Variants in MEIOB observed in about 807,000 individuals in gnomAD.
The protein encoded by MEIOB is meiosis specific with OB-fold, also known as meiosis-specific with OB domain-containing protein.
Under a neutral mutation model 53.1 loss-of-function variants are expected in MEIOB, and 50 were observed. The ratio of observed to expected loss-of-function variants is 0.94; its 90% CI spans 0.75 to 1.19. The LOEUF (loss-of-function observed/expected upper bound fraction) is 1.19. Ranked by LOEUF, MEIOB falls within the 50% of genes most tolerant of loss-of-function variation. The pLI, the probability that MEIOB is intolerant of heterozygous loss-of-function variation, is 0.00. For synonymous variants in MEIOB, 192 were observed against 182.5 expected (o/e 1.05, Z -0.42); for missense variants, 551 against 550.8 (o/e 1.00, Z 0.00).
intron 10 of MEIOB, among the ~76,000 whole-genome samples, chr16:1,844,538 T>G (rs1370268137): frequency 6.6e-6 from 1 of 152,096 alleles, no homozygotes. Context: ...CTCAGCTCAC[T>G]GCAACCTCCA....
rs1039525023 is a variant in MEIOB at position 1,837,656 on chromosome 16, C to T, written c.1305+128G>A. 64 of 513,692 alleles carry T rather than the reference C, an allele frequency of 1.2e-4. 2 individuals carry two copies. In the Admixed American group the frequency reaches 1.9e-3, roughly 15 times the overall value. The allele number at this position is 513,692 out of a possible 1,614,324, so 31.8% of individuals were successfully genotyped here. ...TCCTTTGCTTTTAGGATAGCTGAAT[C>T]CTTATGCACATCTGGGAACTGGGCA... On this transcript the variant is annotated intron_variant, in intron 13 of 13. Transcript: ENST00000325962.
intron 10 of MEIOB, among the ~76,000 whole-genome samples, chr16:1,844,122 C>CTTTT (rs755682782): frequency 7.7e-6 from 1 of 129,434 alleles, no homozygotes; most frequent in Non-Finnish European, 1.6e-5. Context: ...TATTATGTTT[C>CTTTT]TTTTTTTTTT....
chr16:1,855,112 G>A (rs1248182593), intron 6 of MEIOB, among the ~76,000 whole-genome samples: 3 of 152,216 alleles, frequency 2.0e-5, no homozygotes, highest in Admixed American at 2.0e-4. Flanking sequence ...CAGTGGGGGT[G>A]AGAGGAAGAA....
chr16:1,865,654 G>A, intron 3 of MEIOB, 124 bp downstream of exon 3: 2 of 670,658 alleles, frequency 3.0e-6, no homozygotes, highest in East Asian at 2.8e-5. Flanking sequence ...ATCCAATAGA[G>A]AGCATGACCA....
intron 11 of MEIOB, among the ~76,000 whole-genome samples, chr16:1,840,691 G>C (rs28688243): frequency 0.086 from 13,060 of 152,042 alleles, 700 homozygotes; most frequent in South Asian, 0.21. Flanking sequence ...TGGGACTACA[G>C]GCGCCCACCA....
intron 9 of MEIOB, among the ~76,000 whole-genome samples, chr16:1,847,944 TTTATTA>T (rs555104044): frequency 1.3e-5 from 2 of 151,966 alleles, no homozygotes; most frequent in South Asian, 2.1e-4. Flanking sequence ...ATGGCTTTAT[TTTATTA>T]TTATTATTAT....
chr16:1,862,748 T>C (rs1199764738), intron 3 of MEIOB, among the ~76,000 whole-genome samples: 1 of 151,984 alleles, frequency 6.6e-6, no homozygotes, highest in Non-Finnish European at 1.5e-5. Context: ...TGAAACCCTG[T>C]CTCTGCTAAA....
chr16:1,864,130 T>C (rs1899525630), intron 3 of MEIOB, among the ~76,000 whole-genome samples: 1 of 152,092 alleles, frequency 6.6e-6, no homozygotes, highest in African/African-American at 2.4e-5. Context: ...CCAGGCTGAG[T>C]GACAGAGCAA....
chr16:1,836,394 G>T (rs1299349943), intron 13 of MEIOB, among the ~76,000 whole-genome samples: 4 of 152,156 alleles, frequency 2.6e-5, no homozygotes, highest in Non-Finnish European at 5.9e-5. Context: ...AAGTTCCCAT[G>T]AACTTAAGTT....
At chr16:1,847,417 A>G (rs58181589) in intron 9 of MEIOB, among the ~76,000 whole-genome samples, 26,643 of 151,834 alleles carry the variant, frequency 0.18, 2,484 homozygotes, top group South Asian at 0.26. Flanking sequence ...AGCTGAGCAC[A>G]TGCCACTGCA....
chr16:1,860,535 T>G, intron 4 of MEIOB, 60 bp from the exon 5 acceptor site: 2 of 895,978 alleles, frequency 2.2e-6, no homozygotes, highest in Non-Finnish European at 1.8e-6. Flanking sequence ...AACACTAACA[T>G]CCTAAATAAC....
rs895977070 is a variant in MEIOB, at chr16:1,853,028, A to G, written c.778+11T>C. 1 of 1,571,586 alleles carries G rather than the reference A, an allele frequency of 6.4e-7. No homozygotes were observed. Among genetic ancestry groups the G allele is most frequent in the Middle Eastern group, 1.7e-4 (1 of 5,974 alleles). ...TTCCAAAGGGATAAAAGGTTTCACA[A>G]AGTTTTTTACCTGGATTAGTTGTAA... On this transcript the variant is annotated intron_variant, in intron 9 of 13. Coordinates refer to ENST00000325962, the MANE Select transcript of MEIOB (RefSeq NM_001163560.3).
rs1172442664 is a variant in MEIOB, at chr16:1,861,984, CCA to C, written c.258_259del (p.Val87AspfsTer3). 7 of 1,549,160 alleles carry C rather than the reference CCA, an allele frequency of 4.5e-6. No homozygotes were observed. Among genetic ancestry groups the C allele is most frequent in the Non-Finnish European group, 6.1e-6 (7 of 1,146,244 alleles). On this transcript the variant is annotated frameshift_variant and splice_region_variant, in exon 4 of 14. Coordinates refer to ENST00000325962, the MANE Select transcript of MEIOB (RefSeq NM_001163560.3). LOFTEE classifies it high-confidence loss of function. ...AAGTTTAAGAATCAATGCCAACTTA[CCA>C]CAGTCACCAACCCTAAAGCTGTCAG...
rs71148106 is a variant in MEIOB, at chr16:1,871,519, C to CTTTTT, written c.-10+469_-10+473dup. Among the ~76,000 whole-genome samples, 23 of 39,816 alleles carry CTTTTT rather than the reference C, an allele frequency of 5.8e-4. 1 individual carries two copies. Among genetic ancestry groups the CTTTTT allele is most frequent in the East Asian group, 1.3e-3 (2 of 1,508 alleles). The allele number at this position is 39,816 out of a possible 152,430, so 26.1% of individuals were successfully genotyped here. A position where few individuals can be genotyped will look rare whatever the true frequency, so the allele number is the denominator to read the frequency against. Reference sequence around the variant, plus strand: ...CAGGCTTGAGCCACCGCGCCCGGCCCTTTTTTTTTTTTTTTTTTTTTTTTT... The same window carrying CTTTTT: ...CAGGCTTGAGCCACCGCGCCCGGCCCTTTTTTTTTTTTTTTTTTTTTTTTTTTTTT... On this transcript the variant is annotated intron_variant, in intron 1 of 13. Transcript: ENST00000325962.
intron 13 of MEIOB, among the ~76,000 whole-genome samples, chr16:1,835,158 GC>G (rs1898708158): frequency 6.6e-6 from 1 of 152,096 alleles, no homozygotes; most frequent in Admixed American, 6.6e-5. Context: ...GGTGGCTGAG[GC>G]GGGAGGATCA....
chr16:1,858,971 T>C (rs762075130), intron 5 of MEIOB, among the ~76,000 whole-genome samples: 1 of 152,032 alleles, frequency 6.6e-6, no homozygotes, highest in Non-Finnish European at 1.5e-5. Context: ...GCACAAGGGA[T>C]ATGGTGGTGA....
intron 2 of MEIOB, among the ~76,000 whole-genome samples, chr16:1,867,620 G>A (rs1249355198): frequency 2.6e-5 from 4 of 151,808 alleles, no homozygotes; most frequent in African/African-American, 9.7e-5. Flanking sequence ...TTACAGGCAT[G>A]AGCCACCACA....
rs933928784 is a variant in MEIOB at position 1,839,449 on chromosome 16, A to G, written c.1035-11T>C. 2.5e-6 allele frequency: 4 copies of G among 1,598,966 alleles called. No individual in the cohort carries two copies. The highest frequency in any genetic ancestry group is 3.5e-5 in the Admixed American group (2 of 56,458). ...TAACCACAGCTGGAACTGAAAAGAA[A>G]CAAAGACAATGATAAAATGTGATGC... On this transcript the variant is annotated splice_polypyrimidine_tract_variant and intron_variant, in intron 11 of 13. Transcript: ENST00000325962.
chr16:1,869,581 G>A (rs1899681762), intron 1 of MEIOB, among the ~76,000 whole-genome samples: 1 of 151,902 alleles, frequency 6.6e-6, no homozygotes, highest in South Asian at 2.1e-4. Flanking sequence ...CCGAGTAGCT[G>A]GGATTACAGG....
Sources: allele counts gnomAD v4.1 joint callset (sites outside exome capture counted in the v4.1 genomes callset), GRCh38; gene constraint gnomAD v4.1.1; transcripts MANE v1.5; gene names NCBI Gene and HGNC (gene_info 2026-07-23, HGNC 2026-07-21).